NIBAN1: variants seen among roughly 807,000 people sequenced by gnomAD.
NIBAN1 encodes protein Niban 1.
Under a neutral mutation model 75.1 loss-of-function variants are expected in NIBAN1, and 81 were observed. The observed-to-expected ratio is 1.08, with a 90% CI of 0.90 to 1.30. The LOEUF (loss-of-function observed/expected upper bound fraction) is 1.30, where lower values mean the gene tolerates loss of function less well. Among genes scored for constraint, NIBAN1 ranks in the 50% most tolerant of loss-of-function variants. The pLI, the probability that NIBAN1 is intolerant of heterozygous loss-of-function variation, is 0.00. For synonymous variants in NIBAN1, 436 were observed against 424.8 expected, an observed-to-expected ratio of 1.03 and a Z score of -0.32; for missense variants, 1,133 against 1,128.1, an observed-to-expected ratio of 1.00 and a Z score of -0.06.
chr1:184,878,504 T>G (rs1656290517), intron 5 of NIBAN1, among the ~76,000 whole-genome samples: 1 of 152,208 alleles, frequency 6.6e-6, no homozygotes, highest in African/African-American at 2.4e-5. Context: ...ATATTTTATC[T>G]TCAGAGCACT....
At chr1:184,857,325 C>A (rs1256069465) in intron 5 of NIBAN1, among the ~76,000 whole-genome samples, 6 of 152,236 alleles carry the variant, frequency 3.9e-5, no homozygotes, top group Admixed American at 3.9e-4. Flanking sequence ...TTTGCTGTGT[C>A]CTAATGGCAG....
intron 5 of NIBAN1, among the ~76,000 whole-genome samples, chr1:184,842,421 C>T (rs1655311435): frequency 6.6e-6 from 1 of 152,196 alleles, no homozygotes; most frequent in Non-Finnish European, 1.5e-5. Context: ...AGAACCACTC[C>T]TCTACCCAGC....
At chr1:184,905,430 G>GA (rs541982845) in intron 1 of NIBAN1, among the ~76,000 whole-genome samples, 31 of 150,212 alleles carry the variant, frequency 2.1e-4, no homozygotes, top group African/African-American at 6.8e-4. Flanking sequence ...ATCTTTGTAA[G>GA]AAAAAAAAAA....
intron 1 of NIBAN1, among the ~76,000 whole-genome samples, chr1:184,915,294 A>T (rs1657355708): frequency 6.6e-6 from 1 of 152,216 alleles, no homozygotes; most frequent in African/African-American, 2.4e-5. Flanking sequence ...GATTCTTACG[A>T]TGAGGCCAGT....
intron 5 of NIBAN1, among the ~76,000 whole-genome samples, chr1:184,862,435 G>A (rs1175907962): frequency 6.6e-6 from 1 of 152,080 alleles, no homozygotes; most frequent in African/African-American, 2.4e-5. Flanking sequence ...TCCTGCCTCA[G>A]CTTCGAGAGC....
intron 1 of NIBAN1, among the ~76,000 whole-genome samples, chr1:184,971,161 C>T (rs1338276233): frequency 6.6e-6 from 1 of 151,714 alleles, no homozygotes; most frequent in Non-Finnish European, 1.5e-5. Flanking sequence ...CACACACCTG[C>T]AGTTTCAGCT....
chr1:184,835,862 C>T (rs562473160), intron 5 of NIBAN1, among the ~76,000 whole-genome samples: 3 of 152,304 alleles, frequency 2.0e-5, no homozygotes, highest in South Asian at 4.1e-4. Context: ...CTGCCCTGGG[C>T]AGAACTTCCA....
intron 5 of NIBAN1, among the ~76,000 whole-genome samples, chr1:184,852,765 A>G (rs1655575290): frequency 6.6e-6 from 1 of 152,172 alleles, no homozygotes; most frequent in African/African-American, 2.4e-5. Context: ...TCTTCCCGCT[A>G]AACATTCTCT....
In NIBAN1 at chr1:184,847,001, G is replaced by A. The variant is rs1166549052; in HGVS notation, c.602-15039C>T. ...AAAAGACCAAATCTACGTCTGATTA[G>A]TGTACCTGAAAGTGATGTGGAGAAT... is the stretch of plus-strand genomic sequence containing the variant. On this transcript the variant is annotated intron_variant, in intron 5 of 13. Transcript: ENST00000367511. 2.3e-5 allele frequency among the ~76,000 whole-genome samples: 2 copies of A among 87,460 alleles called. 1 individual carries two copies. The highest frequency in any genetic ancestry group is 4.5e-5 in the Non-Finnish European group (2 of 43,982). The allele number at this position is 87,460 out of a possible 152,430, so 57.4% of individuals were successfully genotyped here.
At chr1:184,908,756 AT>A (rs1168738053) in intron 1 of NIBAN1, among the ~76,000 whole-genome samples, 1 of 152,008 alleles carries the variant, frequency 6.6e-6, no homozygotes, top group African/African-American at 2.4e-5. Flanking sequence ...CACGCCTCCA[AT>A]TTTCTCATGA....
chr1:184,799,663 A>C (rs984921918), intron 12 of NIBAN1, among the ~76,000 whole-genome samples: 1 of 127,792 alleles, frequency 7.8e-6, no homozygotes, highest in African/African-American at 3.2e-5. Flanking sequence ...CCACCAACAA[A>C]GTAAAAGTGT....
intron 5 of NIBAN1, among the ~76,000 whole-genome samples, chr1:184,834,471 C>T (rs1372328852): frequency 6.6e-6 from 1 of 152,188 alleles, no homozygotes; most frequent in Non-Finnish European, 1.5e-5. Context: ...ACACTCCCAC[C>T]AACAGTGTAA....
intron 1 of NIBAN1, among the ~76,000 whole-genome samples, chr1:184,916,042 C>T (rs938096796): frequency 3.3e-5 from 5 of 152,210 alleles, no homozygotes; most frequent in Admixed American, 1.3e-4. Flanking sequence ...AAGCCATCTG[C>T]TCATCTACTC....
At chr1:184,856,712 A>G (rs1326077226) in intron 5 of NIBAN1, among the ~76,000 whole-genome samples, 1 of 152,214 alleles carries the variant, frequency 6.6e-6, no homozygotes, top group Non-Finnish European at 1.5e-5. Context: ...TCATGGGCAT[A>G]AAGTTTGAGT....
chr1:184,856,758 T>C (rs1223611775), intron 5 of NIBAN1, among the ~76,000 whole-genome samples: 1 of 152,202 alleles, frequency 6.6e-6, no homozygotes, highest in Non-Finnish European at 1.5e-5. Context: ...TGTTCCCCAT[T>C]GGATCCCCGG....
intron 1 of NIBAN1, among the ~76,000 whole-genome samples, chr1:184,917,181 T>C (rs1657406181): frequency 6.7e-6 from 1 of 149,066 alleles, no homozygotes; most frequent in Non-Finnish European, 1.5e-5. Flanking sequence ...CTTTTTCTTA[T>C]CCCCATGACT....
chr1:184,936,257 A>C (rs1657958053), intron 1 of NIBAN1, among the ~76,000 whole-genome samples: 1 of 152,116 alleles, frequency 6.6e-6, no homozygotes, highest in African/African-American at 2.4e-5. Context: ...AAAGAACAAC[A>C]GGAGAACTCA....
At chr1:184,935,600 T>C (rs1317077393) in intron 1 of NIBAN1, among the ~76,000 whole-genome samples, 1 of 152,124 alleles carries the variant, frequency 6.6e-6, no homozygotes, top group African/African-American at 2.4e-5. Flanking sequence ...CAACATTTAA[T>C]ACATAGAAAT....
chr1:184,832,786 G>A (rs1288384817), intron 5 of NIBAN1, among the ~76,000 whole-genome samples: 1 of 152,150 alleles, frequency 6.6e-6, no homozygotes, highest in Non-Finnish European at 1.5e-5. Context: ...TCTAATGGTG[G>A]AACTTAAGGT....
Sources: gnomAD v4.1 joint callset for allele counts (sites outside exome capture counted in the v4.1 genomes callset) on GRCh38, gnomAD v4.1.1 for gene constraint, MANE v1.5 for transcripts, NCBI Gene and HGNC (gene_info 2026-07-23, HGNC 2026-07-21) for gene names.